Variants in CDH13 observed in about 807,000 individuals in gnomAD.
The protein encoded by CDH13 is cadherin 13, also known as cadherin-13.
In CDH13, 24 loss-of-function variants were observed where a neutral mutation model predicts 63.8. That is an observed-to-expected ratio of 0.38 (90% CI 0.27 to 0.53). The LOEUF is 0.53. Ranked by LOEUF, CDH13 falls within the 20% of genes least tolerant of loss-of-function variation. The pLI is 0.85. For synonymous variants in CDH13, 503 were observed against 355.3 expected, an observed-to-expected ratio of 1.42 and a Z score of -4.67; for missense variants, 1,049 against 903.1, an observed-to-expected ratio of 1.16 and a Z score of -2.07.
intron 2 of CDH13, among the ~76,000 whole-genome samples, chr16:82,925,361 G>T (rs763222850): frequency 1.9e-4 from 29 of 152,304 alleles, no homozygotes; most frequent in Admixed American, 1.8e-3. Flanking sequence ...GCCCTGTGTT[G>T]CCAGTCCCAC....
chr16:82,796,982 T>C (rs1444266181), intron 1 of CDH13, among the ~76,000 whole-genome samples: 1 of 152,218 alleles, frequency 6.6e-6, no homozygotes, highest in Non-Finnish European at 1.5e-5. Context: ...GGCAGGATCC[T>C]ATCAACTTTT....
At chr16:83,514,930 A>C (rs2074667388) in intron 7 of CDH13, among the ~76,000 whole-genome samples, 1 of 152,150 alleles carries the variant, frequency 6.6e-6, no homozygotes, top group African/African-American at 2.4e-5. Flanking sequence ...TGTGACGTGT[A>C]GTTACTGCAG....
At chr16:83,167,236 C>T (rs1487037910) in intron 4 of CDH13, among the ~76,000 whole-genome samples, 1 of 151,308 alleles carries the variant, frequency 6.6e-6, no homozygotes, top group African/African-American at 2.4e-5. Flanking sequence ...GTGGCTCACG[C>T]CTGTAATCCC....
chr16:83,744,002 T>G (rs1260683661), intron 10 of CDH13, among the ~76,000 whole-genome samples: 1 of 152,114 alleles, frequency 6.6e-6, no homozygotes, highest in Non-Finnish European at 1.5e-5. Flanking sequence ...TTTGACAAGT[T>G]GCTAAGCCTC....
chr16:83,410,989 A>C (rs1027669438), intron 6 of CDH13, among the ~76,000 whole-genome samples: 3 of 152,188 alleles, frequency 2.0e-5, no homozygotes, highest in African/African-American at 7.2e-5. Flanking sequence ...AAAATTCATA[A>C]GTCAACCCAT....
intron 1 of CDH13, among the ~76,000 whole-genome samples, chr16:82,713,555 G>T (rs1312330281): frequency 6.6e-6 from 1 of 152,076 alleles, no homozygotes; most frequent in Non-Finnish European, 1.5e-5. Flanking sequence ...GTGGTCAAGA[G>T]TACGGACTCA....
intron 1 of CDH13, among the ~76,000 whole-genome samples, chr16:82,656,950 A>G (rs559968406): frequency 8.9e-5 from 12 of 134,202 alleles, no homozygotes; most frequent in Non-Finnish European, 1.7e-4. Flanking sequence ...ATTGAATAAT[A>G]TTTCATTGTC....
chr16:83,262,338 T>C (rs1907093297), intron 5 of CDH13, among the ~76,000 whole-genome samples: 1 of 152,200 alleles, frequency 6.6e-6, no homozygotes. Context: ...ATCAGATGTG[T>C]AGGGAGACTC....
intron 3 of CDH13, among the ~76,000 whole-genome samples, chr16:83,055,575 A>G (rs2030840606): frequency 6.6e-6 from 1 of 152,016 alleles, no homozygotes; most frequent in African/African-American, 2.4e-5. Context: ...AAAGAAATAT[A>G]AAATCTGGTA....
At chr16:82,858,190 C>A (rs1008239617) in intron 1 of CDH13, among the ~76,000 whole-genome samples, 172 bp from the exon 2 acceptor site, 1 of 152,210 alleles carries the variant, frequency 6.6e-6, no homozygotes, top group African/African-American at 2.4e-5. Flanking sequence ...TTCTCCAAAT[C>A]TCAGTGCCAA....
intron 13 of CDH13, chr16:83,789,894 G>T (rs1407890084): frequency 2.0e-5 from 3 of 150,986 alleles, no homozygotes; most frequent in Non-Finnish European, 3.0e-5. Flanking sequence ...GCAGAGCTCA[G>T]TAGCTGCCAC....
intron 3 of CDH13, among the ~76,000 whole-genome samples, chr16:83,040,877 G>A (rs909360171): frequency 2.0e-5 from 3 of 152,138 alleles, no homozygotes; most frequent in Admixed American, 6.5e-5. Flanking sequence ...GCTAATGAAC[G>A]AGGCAAACTG....
intron 5 of CDH13, among the ~76,000 whole-genome samples, chr16:83,331,109 A>G (rs2090471478): frequency 6.6e-6 from 1 of 152,224 alleles, no homozygotes; most frequent in Non-Finnish European, 1.5e-5. Context: ...TACCTTAAAC[A>G]ATCACACAGC....
chr16:83,554,131 T>A (rs1320606321), intron 7 of CDH13, among the ~76,000 whole-genome samples: 2 of 152,182 alleles, frequency 1.3e-5, no homozygotes, highest in African/African-American at 4.8e-5. Context: ...TCTGTGAATC[T>A]TTCTTTCTAG....
intron 4 of CDH13, among the ~76,000 whole-genome samples, chr16:83,154,563 CAAAAAAA>C (rs755336374): frequency 6.1e-5 from 6 of 98,574 alleles, no homozygotes; most frequent in African/African-American, 1.0e-4. Context: ...GACTCCATCT[CAAAAAAA>C]AAAAAAAAAA....
At chr16:82,888,789 G>A (rs966232293) in intron 2 of CDH13, among the ~76,000 whole-genome samples, 1 of 152,148 alleles carries the variant, frequency 6.6e-6, no homozygotes, top group Admixed American at 6.5e-5. Context: ...TGTAAACTTC[G>A]CAAGTAAATG....
intron 7 of CDH13, among the ~76,000 whole-genome samples, chr16:83,523,476 A>G (rs1056563326): frequency 2.2e-4 from 33 of 152,110 alleles, no homozygotes; most frequent in African/African-American, 8.0e-4. Flanking sequence ...CCTTGAAGAG[A>G]AACTCACCTC....
At chr16:83,089,238 A>C (rs998575480) in intron 3 of CDH13, among the ~76,000 whole-genome samples, 4 of 152,238 alleles carry the variant, frequency 2.6e-5, no homozygotes, top group Non-Finnish European at 5.9e-5. Context: ...ATTCCAGCCC[A>C]CTAACGTCAC....
intron 4 of CDH13, among the ~76,000 whole-genome samples, chr16:83,202,831 C>T (rs975802163): frequency 6.6e-6 from 1 of 152,050 alleles, no homozygotes; most frequent in African/African-American, 2.4e-5. Context: ...ATATTTGGTA[C>T]AGGGAGATAA....
Sources: gnomAD v4.1 joint callset for allele counts (sites outside exome capture counted in the v4.1 genomes callset) on GRCh38, gnomAD v4.1.1 for gene constraint, MANE v1.5 for transcripts, NCBI Gene and HGNC (gene_info 2026-07-23, HGNC 2026-07-21) for gene names.